The following MACROD2 variants were observed in gnomAD, a reference collection of about 807,000 sequenced individuals.
MACROD2 encodes mono-ADP ribosylhydrolase 2, also known as ADP-ribose glycohydrolase MACROD2.
A neutral mutation model predicts 70.4 loss-of-function variants in MACROD2; 36 were observed. The observed-to-expected ratio is 0.51, with a 90% CI of 0.39 to 0.68. The LOEUF is 0.68. MACROD2 is among the 30% of genes least tolerant of loss of function. MACROD2 has a pLI of 0.00. For missense variants in MACROD2, 496 were observed against 538.4 expected, an observed-to-expected ratio of 0.92 and a Z score of 0.78; for synonymous variants, 172 against 178.8, an observed-to-expected ratio of 0.96 and a Z score of 0.30.
chr20:15,103,713 T>G (rs756019820), intron 5 of MACROD2, among the ~76,000 whole-genome samples: 12 of 152,088 alleles, frequency 7.9e-5, no homozygotes, highest in Non-Finnish European at 1.2e-4. Context: ...GATAAATCCA[T>G]GAAGAAGAGA....
chr20:15,550,664 C>G (rs1179973154), intron 8 of MACROD2, among the ~76,000 whole-genome samples: 1 of 152,220 alleles, frequency 6.6e-6, no homozygotes, highest in African/African-American at 2.4e-5. Context: ...TTCACATCCA[C>G]TGATGAGTCT....
At chr20:15,461,006 A>ATATATTTTTTTTTTTTTTT in intron 7 of MACROD2, among the ~76,000 whole-genome samples, 2 of 66,992 alleles carry the variant, frequency 3.0e-5, no homozygotes, top group African/African-American at 8.4e-5. Context: ...ATATATATAT[A>ATATATTTTTTTTTTTTTTT]TTTTTTTTTA....
intron 12 of MACROD2, among the ~76,000 whole-genome samples, chr20:15,943,332 T>C (rs1406112224): frequency 6.6e-6 from 1 of 152,044 alleles, no homozygotes; most frequent in South Asian, 2.1e-4. Flanking sequence ...ACCAATGAAT[T>C]CCTCTCGAGA....
intron 3 of MACROD2, among the ~76,000 whole-genome samples, chr20:14,108,278 A>C (rs1485236995): frequency 6.6e-6 from 1 of 152,140 alleles, no homozygotes; most frequent in Non-Finnish European, 1.5e-5. Flanking sequence ...AATAAAAAGC[A>C]AGAAATTAAA....
At chr20:14,707,129 A>G (rs1396270590) in intron 5 of MACROD2, among the ~76,000 whole-genome samples, 1 of 152,072 alleles carries the variant, frequency 6.6e-6, no homozygotes, top group African/African-American at 2.4e-5. Context: ...GAAATGTGTA[A>G]CTTTGCAGAA....
chr20:16,024,636 G>A (rs868793280), intron 15 of MACROD2, among the ~76,000 whole-genome samples: 15 of 152,150 alleles, frequency 9.9e-5, no homozygotes, highest in Middle Eastern at 3.4e-3. Flanking sequence ...CTACAACCAC[G>A]CAAATGATCA....
intron 5 of MACROD2, among the ~76,000 whole-genome samples, chr20:14,785,003 A>C (rs1243135717): frequency 1.3e-5 from 2 of 152,136 alleles, no homozygotes; most frequent in African/African-American, 4.8e-5. Context: ...TCAATGGAAT[A>C]ACAGTAAATT....
intron 8 of MACROD2, among the ~76,000 whole-genome samples, chr20:15,737,841 G>A (rs540903921): frequency 2.4e-4 from 36 of 147,810 alleles, no homozygotes; most frequent in African/African-American, 8.6e-4. Context: ...GACTGGAAAA[G>A]TAGCCAGTAA....
chr20:15,408,072 C>CT (rs777981457), intron 6 of MACROD2, among the ~76,000 whole-genome samples: 196 of 152,216 alleles, frequency 1.3e-3, no homozygotes, highest in Non-Finnish European at 2.5e-3. Context: ...ATTTGCTGGG[C>CT]TTTTTTTCTT....
In MACROD2 at chr20:15,883,444, A is replaced by T. The variant is rs184982149; in HGVS notation, c.728-2320A>T. Reference sequence around the variant, plus strand: ...AAACTGCATTCATAGAATGAATTTTAAAAATTATGTAGAAAATCATCAGTG... The same window carrying T: ...AAACTGCATTCATAGAATGAATTTTTAAAATTATGTAGAAAATCATCAGTG... On this transcript the variant is annotated intron_variant, in intron 9 of 17. Coordinates refer to ENST00000684519, the MANE Select transcript of MACROD2 (RefSeq NM_001351661.2). Among the ~76,000 whole-genome samples, 249 of 152,248 alleles carry T rather than the reference A, an allele frequency of 1.6e-3. 1 individual carries two copies. Among genetic ancestry groups the T allele is most frequent in the African/African-American group, 5.7e-3 (239 of 41,568 alleles).
chr20:14,072,935 A>AC (rs1491236877), intron 2 of MACROD2, among the ~76,000 whole-genome samples: 1 of 86,154 alleles, frequency 1.2e-5, no homozygotes, highest in Non-Finnish European at 2.8e-5. Context: ...CTCCGTCTAG[A>AC]AAAAAAAAAA....
At chr20:14,096,331 T>C (rs1368825352) in intron 3 of MACROD2, among the ~76,000 whole-genome samples, 1 of 151,906 alleles carries the variant, frequency 6.6e-6, no homozygotes, top group Non-Finnish European at 1.5e-5. Flanking sequence ...GAGTCAGAAT[T>C]AATTTTCAGG....
intron 8 of MACROD2, among the ~76,000 whole-genome samples, chr20:15,581,312 G>A (rs1373160551): frequency 2.0e-5 from 3 of 152,202 alleles, no homozygotes; most frequent in Non-Finnish European, 2.9e-5. Flanking sequence ...GTACACAGAC[G>A]TCCACTGGTT....
chr20:14,155,160 A>AGT (rs1569182618), intron 3 of MACROD2, among the ~76,000 whole-genome samples: 5 of 152,314 alleles, frequency 3.3e-5, no homozygotes, highest in Non-Finnish European at 5.9e-5. Context: ...ATATACACAC[A>AGT]TATATATAAC....
At chr20:14,851,248 C>T (rs547881650) in intron 5 of MACROD2, among the ~76,000 whole-genome samples, 60 of 152,152 alleles carry the variant, frequency 3.9e-4, no homozygotes, top group Non-Finnish European at 6.3e-4. Flanking sequence ...GGAGAGCCAC[C>T]GATACTGGAG....
At chr20:14,274,896 A>C (rs1369034782) in intron 3 of MACROD2, among the ~76,000 whole-genome samples, 2 of 151,228 alleles carry the variant, frequency 1.3e-5, no homozygotes, top group Non-Finnish European at 3.0e-5. Flanking sequence ...TCCCATTCAC[A>C]ATTGCTTCAA....
intron 3 of MACROD2, among the ~76,000 whole-genome samples, chr20:14,313,330 G>GTTAAATA (rs1374737759): frequency 4.0e-5 from 6 of 151,828 alleles, no homozygotes; most frequent in Non-Finnish European, 8.8e-5. Context: ...TTCCACATTT[G>GTTAAATA]TTCTGTCCCA....
chr20:15,803,376 T>C (rs1049949160), intron 8 of MACROD2, among the ~76,000 whole-genome samples: 2 of 152,104 alleles, frequency 1.3e-5, no homozygotes, highest in East Asian at 3.8e-4. Flanking sequence ...TGTAGGATTT[T>C]ATTAATTTGA....
intron 2 of MACROD2, among the ~76,000 whole-genome samples, chr20:14,084,347 CATAA>C (rs1481566042): frequency 6.6e-6 from 1 of 151,904 alleles, no homozygotes; most frequent in Non-Finnish European, 1.5e-5. Context: ...TTATGCATAT[CATAA>C]ATACTTTTAA....
Sources: allele counts gnomAD v4.1 joint callset (sites outside exome capture counted in the v4.1 genomes callset), GRCh38; gene constraint gnomAD v4.1.1; transcripts MANE v1.5; gene names NCBI Gene and HGNC (gene_info 2026-07-23, HGNC 2026-07-21).